Variants in ABCC1 observed in about 807,000 individuals in gnomAD.
ABCC1 encodes the protein ATP binding cassette subfamily C member 1 (ABCC1 blood group).
In ABCC1, 83 loss-of-function variants were observed where a neutral mutation model predicts 172.9. That is an observed-to-expected ratio of 0.48 (90% CI 0.40 to 0.58). ABCC1 has a LOEUF of 0.58. Among genes scored for constraint, ABCC1 ranks in the 20% least tolerant of loss-of-function variants. The pLI, the probability that ABCC1 is intolerant of heterozygous loss-of-function variation, is 0.00. For synonymous variants in ABCC1, 937 were observed against 825.2 expected (o/e 1.14, Z -2.32); for missense variants, 1,817 against 2,002.7 (o/e 0.91, Z 1.77).
At chr16:15,982,747 A>C (rs1222058084) in intron 1 of ABCC1, among the ~76,000 whole-genome samples, 1 of 141,966 alleles carries the variant, frequency 7.0e-6, no homozygotes, top group Non-Finnish European at 1.5e-5. Context: ...TTGAGACTGC[A>C]GTCAGCTATG....
chr16:15,959,667 C>A (rs1017228853), intron 1 of ABCC1, among the ~76,000 whole-genome samples: 1 of 152,184 alleles, frequency 6.6e-6, no homozygotes, highest in Non-Finnish European at 1.5e-5. Context: ...AGCTCTACTC[C>A]TTCATTTTAA....
intron 5 of ABCC1, among the ~76,000 whole-genome samples, chr16:16,017,572 C>T (rs1597124207): frequency 6.6e-6 from 1 of 152,064 alleles, no homozygotes; most frequent in Non-Finnish European, 1.5e-5. Flanking sequence ...CCTACACCTG[C>T]TCCCCAACTT....
chr16:16,121,273 CCTCAAGTGATCTCCCGCCTCTGCCTCCTG>C (rs1446871843), intron 23 of ABCC1, among the ~76,000 whole-genome samples: 3 of 152,152 alleles, frequency 2.0e-5, no homozygotes, highest in Non-Finnish European at 4.4e-5. Flanking sequence ...AGACTCCTGG[CCTCAAGTGATCTCCCGCCTCTGCCTCCTG>C]AAGTGCGGGT....
At chr16:16,129,899 GT>G (rs2045609236) in intron 26 of ABCC1, among the ~76,000 whole-genome samples, 1 of 152,180 alleles carries the variant, frequency 6.6e-6, no homozygotes, top group Non-Finnish European at 1.5e-5. Flanking sequence ...GTTGCCCGGC[GT>G]TTTCTTGTTA....
At chr16:16,125,423 AT>A (rs2045385214) in intron 25 of ABCC1, among the ~76,000 whole-genome samples, 1 of 151,698 alleles carries the variant, frequency 6.6e-6, no homozygotes, top group Non-Finnish European at 1.5e-5. Flanking sequence ...ATAACCTTTT[AT>A]TTTTATTTAT....
chr16:16,090,741 T>G (rs1014244674), intron 19 of ABCC1, among the ~76,000 whole-genome samples, 153 bp downstream of exon 19: 1 of 151,756 alleles, frequency 6.6e-6, no homozygotes, highest in African/African-American at 2.4e-5. Context: ...AGAAGCAATG[T>G]GGAAAACCAC....
chr16:15,965,777 A>G (rs1471756161), intron 1 of ABCC1, among the ~76,000 whole-genome samples: 1 of 151,188 alleles, frequency 6.6e-6, no homozygotes, highest in Non-Finnish European at 1.5e-5. Context: ...TTGTATTTTC[A>G]GTAGAGATGG....
chr16:15,962,620 C>G (rs1597055519), intron 1 of ABCC1, among the ~76,000 whole-genome samples: 1 of 152,280 alleles, frequency 6.6e-6, no homozygotes, highest in East Asian at 1.9e-4. Context: ...CAAACATGTC[C>G]TTCTTCACAT....
chr16:15,982,205 C>T (rs1434768720), intron 1 of ABCC1, among the ~76,000 whole-genome samples: 1 of 152,150 alleles, frequency 6.6e-6, no homozygotes, highest in African/African-American at 2.4e-5. Flanking sequence ...AAAGTTGCTT[C>T]CACATTTTTG....
intron 20 of ABCC1, among the ~76,000 whole-genome samples, chr16:16,104,606 C>G (rs900137384): frequency 7.2e-5 from 11 of 152,358 alleles, no homozygotes; most frequent in African/African-American, 2.2e-4. Flanking sequence ...GCTGGCTTCA[C>G]CAGGTGGATG....
At chr16:15,973,073 G>A (rs1359738494) in intron 1 of ABCC1, among the ~76,000 whole-genome samples, 3 of 152,054 alleles carry the variant, frequency 2.0e-5, no homozygotes. Context: ...GGGATGACAG[G>A]CATGAGCCAT....
In ABCC1 at chr16:16,122,074, G is replaced by A. The variant is rs202134920; in HGVS notation, c.3490G>A (p.Val1164Ile). 212 of 1,614,184 alleles carry A rather than the reference G, an allele frequency of 1.3e-4. 1 individual carries two copies. The East Asian group carries it at 2.2e-3, about 17-fold the overall frequency. Reference sequence around the variant, plus strand: ...CAACGAGACCTTGCTGGGGGTCAGCGTCATTCGAGCCTTCGAGGAGCAGGA... The same window carrying A: ...CAACGAGACCTTGCTGGGGGTCAGCATCATTCGAGCCTTCGAGGAGCAGGA... ...HFNETLLGVS[V>I]IRAFEEQERF... Residue 1164 changes from valine (V) to isoleucine (I), a missense_variant, in exon 24 of 31, where the codon GTC (valine) becomes ATC (isoleucine). By Grantham distance (29) the Val-to-Ile change is conservative. Transcript: ENST00000399410.
chr16:16,008,733 C>T (rs1291697483), intron 2 of ABCC1, among the ~76,000 whole-genome samples: 2 of 150,620 alleles, frequency 1.3e-5, no homozygotes, highest in South Asian at 2.1e-4. Flanking sequence ...ATCTTAGCAA[C>T]TTGGGAGGCT....
At position 16,008,005 on chromosome 16, in the gene ABCC1, G is replaced by T; in HGVS notation, c.225+13G>T. ...CAAAACCAAAACTGTAAGTCACTGG[G>T]GGGTTTCGTTGTGGGGGGTGGGAAG... On this transcript the variant is annotated intron_variant, in intron 2 of 30. Coordinates refer to ENST00000399410, the MANE Select transcript of ABCC1 (RefSeq NM_004996.4). 1 of 630,526 alleles carries T rather than the reference G, an allele frequency of 1.6e-6. No individual in the cohort carries two copies. The highest frequency in any genetic ancestry group is 1.6e-5 in the South Asian group (1 of 64,200). The allele number at this position is 630,526 out of a possible 1,614,324, so 39.1% of individuals were successfully genotyped here.
chr16:16,068,980 T>G lies in ABCC1; in HGVS notation c.1824+678T>G, dbSNP rs1346219454. Among the ~76,000 whole-genome samples, 3 of 135,026 alleles carry G rather than the reference T, an allele frequency of 2.2e-5. No homozygotes were observed. The Admixed American group carries it at 2.4e-4, about 11-fold the overall frequency. The allele number at this position is 135,026 out of a possible 152,430, so 88.6% of individuals were successfully genotyped here. A position where few individuals can be genotyped will look rare whatever the true frequency, so the allele number is the denominator to read the frequency against. Reference sequence around the variant, plus strand: ...CCAGTCTGGGTGACACAGCAAAAACTCCGTCTCAAAATTAAAAAAAAAAAA... The same window carrying G: ...CCAGTCTGGGTGACACAGCAAAAACGCCGTCTCAAAATTAAAAAAAAAAAA... On this transcript the variant is annotated intron_variant, in intron 13 of 30. Coordinates refer to ENST00000399410, the MANE Select transcript of ABCC1 (RefSeq NM_004996.4).
intron 24 of ABCC1, among the ~76,000 whole-genome samples, chr16:16,124,354 TAGGA>T (rs2045325034): frequency 1.6e-5 from 2 of 122,962 alleles, no homozygotes; most frequent in Admixed American, 8.7e-5. Context: ...TGTGTGATTA[TAGGA>T]GTGACCCACT....
At chr16:16,123,262 C>T (rs2045245436) in intron 24 of ABCC1, among the ~76,000 whole-genome samples, 1 of 152,178 alleles carries the variant, frequency 6.6e-6, no homozygotes, top group Non-Finnish European at 1.5e-5. Flanking sequence ...AACACCCCAT[C>T]TTCCTAGAAT....
chr16:16,096,234 A>ACC (rs2051473372), intron 19 of ABCC1, among the ~76,000 whole-genome samples: 1 of 151,936 alleles, frequency 6.6e-6, no homozygotes, highest in African/African-American at 2.4e-5. Flanking sequence ...CTCAAAAAAA[A>ACC]AACAAAAAAA....
intron 1 of ABCC1, among the ~76,000 whole-genome samples, chr16:15,958,068 C>T (rs2046040901): frequency 6.6e-6 from 1 of 152,042 alleles, no homozygotes; most frequent in Admixed American, 6.6e-5. Context: ...CCTGTTGTTG[C>T]TTTAATTTTA....
Sources: gnomAD v4.1 joint callset for allele counts (sites outside exome capture counted in the v4.1 genomes callset) on GRCh38, gnomAD v4.1.1 for gene constraint, MANE v1.5 for transcripts, NCBI Gene and HGNC (gene_info 2026-07-23, HGNC 2026-07-21) for gene names.